ADAMTS17: variants seen among roughly 807,000 people sequenced by gnomAD.
ADAMTS17 encodes the protein ADAM metallopeptidase with thrombospondin type 1 motif 17, also known as A disintegrin and metalloproteinase with thrombospondin motifs 17.
In ADAMTS17, 113 loss-of-function variants were observed where a neutral mutation model predicts 141.5. The observed-to-expected ratio is 0.80, with a 90% CI of 0.69 to 0.93. ADAMTS17 has a LOEUF of 0.93. Ranked by LOEUF, ADAMTS17 falls within the 40% of genes least tolerant of loss-of-function variation. The pLI is 0.00. For missense variants in ADAMTS17, 1,659 were observed against 1,517.9 expected, an observed-to-expected ratio of 1.09 and a Z score of -1.54; for synonymous variants, 768 against 630.6, an observed-to-expected ratio of 1.22 and a Z score of -3.27.
At chr15:100,131,451 C>T (rs941067262) in intron 12 of ADAMTS17, among the ~76,000 whole-genome samples, 4 of 150,916 alleles carry the variant, frequency 2.7e-5, no homozygotes, top group Non-Finnish European at 4.4e-5. Context: ...AGCCCAAAAT[C>T]GATCCCTGAG....
chr15:100,096,139 T>C (rs1327314912), intron 15 of ADAMTS17, among the ~76,000 whole-genome samples: 3 of 152,202 alleles, frequency 2.0e-5, no homozygotes, highest in Non-Finnish European at 4.4e-5. Context: ...GGGAGCTGTT[T>C]CCGTTCATGG....
At chr15:100,050,710 C>T (rs768423763) in intron 17 of ADAMTS17, among the ~76,000 whole-genome samples, 18 of 152,312 alleles carry the variant, frequency 1.2e-4, no homozygotes, top group Middle Eastern at 3.4e-3. Context: ...GGGCTATGCC[C>T]GGGGTTCCAC....
At chr15:100,273,745 T>C (rs1190759741) in intron 4 of ADAMTS17, among the ~76,000 whole-genome samples, 1 of 152,182 alleles carries the variant, frequency 6.6e-6, no homozygotes, top group Non-Finnish European at 1.5e-5. Flanking sequence ...AAATAGCTTG[T>C]TCTTCTTCTA....
In ADAMTS17 at chr15:100,129,660, T is replaced by C. The variant is rs192146104; in HGVS notation, c.1721+2347A>G. On this transcript the variant is annotated intron_variant, in intron 12 of 21. Transcript: ENST00000268070. The stretch of plus-strand genomic sequence containing the variant: ...CGGGAGGCTGAGGCAGGAGAATCGC[T>C]TGAACCTGGGAGGTGGAGGCTGTGA... 5.0e-3 allele frequency: 760 copies of C among 152,490 alleles called. 2 individuals are homozygous for C. Among genetic ancestry groups the C allele is most frequent in the South Asian group, 0.021 (101 of 4,818 alleles). The allele number at this position is 152,490 out of a possible 1,614,324, so 9.4% of individuals were successfully genotyped here.
intron 8 of ADAMTS17, among the ~76,000 whole-genome samples, chr15:100,179,488 CT>C (rs1567309466): frequency 1.3e-5 from 2 of 152,180 alleles, no homozygotes; most frequent in Non-Finnish European, 2.9e-5. Flanking sequence ...GCTATTGTGA[CT>C]AGTGCTACAA....
chr15:100,089,836 GT>G, intron 15 of ADAMTS17, among the ~76,000 whole-genome samples: 1 of 126,424 alleles, frequency 7.9e-6, no homozygotes, highest in African/African-American at 3.1e-5. Flanking sequence ...CTGTTGTGGG[GT>G]TGGGGGAGGG....
At chr15:100,328,723 C>A (rs1040205326) in intron 3 of ADAMTS17, among the ~76,000 whole-genome samples, 2 of 152,162 alleles carry the variant, frequency 1.3e-5, no homozygotes, top group Non-Finnish European at 2.9e-5. Context: ...AACACAAGCA[C>A]CATTTATCAT....
intron 8 of ADAMTS17, among the ~76,000 whole-genome samples, chr15:100,198,917 G>A (rs548909412): frequency 6.6e-6 from 1 of 152,262 alleles, no homozygotes; most frequent in African/African-American, 2.4e-5. Context: ...TCAGAAAGTT[G>A]GACTTTAGAA....
At chr15:100,203,214 C>T (rs2041405353) in intron 7 of ADAMTS17, among the ~76,000 whole-genome samples, 1 of 152,168 alleles carries the variant, frequency 6.6e-6, no homozygotes, top group African/African-American at 2.4e-5. Flanking sequence ...TGGCTCACTC[C>T]AACTCTACTA....
At chr15:100,299,630 C>T (rs567051273) in intron 3 of ADAMTS17, among the ~76,000 whole-genome samples, 24 of 152,252 alleles carry the variant, frequency 1.6e-4, no homozygotes, top group Admixed American at 4.6e-4. Context: ...AAGAAATCGA[C>T]GGCTTCTCTG....
intron 8 of ADAMTS17, among the ~76,000 whole-genome samples, chr15:100,161,082 C>G (rs2039671870): frequency 1.3e-5 from 2 of 152,188 alleles, no homozygotes; most frequent in Admixed American, 6.5e-5. Context: ...GGCCTTGTGT[C>G]TCACGTGGCC....
At chr15:100,153,005 G>T (rs146448623) in intron 9 of ADAMTS17, among the ~76,000 whole-genome samples, 1 of 38,438 alleles carries the variant, frequency 2.6e-5, no homozygotes, top group Admixed American at 2.2e-4. Flanking sequence ...CTCGGGAGGG[G>T]CATAGGAACG....
At chr15:100,054,235 G>A (rs902204691) in intron 15 of ADAMTS17, among the ~76,000 whole-genome samples, 181 bp from the exon 16 acceptor site, 18 of 152,262 alleles carry the variant, frequency 1.2e-4, no homozygotes, top group Admixed American at 2.6e-4. Context: ...AGCCTGGATC[G>A]CAGGGAGCAC....
At chr15:100,068,473 C>A (rs932451208) in intron 15 of ADAMTS17, among the ~76,000 whole-genome samples, 1 of 152,226 alleles carries the variant, frequency 6.6e-6, no homozygotes, top group Non-Finnish European at 1.5e-5. Context: ...GTCCCTGACC[C>A]CTGAGTAGCC....
chr15:100,054,234 C>T (rs1042120142), intron 15 of ADAMTS17, among the ~76,000 whole-genome samples, 180 bp from the exon 16 acceptor site: 41 of 152,086 alleles, frequency 2.7e-4, no homozygotes, highest in Admixed American at 2.0e-3. Flanking sequence ...AAGCCTGGAT[C>T]GCAGGGAGCA....
intron 18 of ADAMTS17, among the ~76,000 whole-genome samples, chr15:100,043,018 A>G (rs1444036579): frequency 2.0e-5 from 3 of 152,210 alleles, no homozygotes; most frequent in African/African-American, 7.2e-5. Flanking sequence ...GCACGGATCT[A>G]TCTTGTTAGG....
chr15:100,278,621 T>A (rs2044180791), intron 4 of ADAMTS17, among the ~76,000 whole-genome samples: 1 of 151,846 alleles, frequency 6.6e-6, no homozygotes, highest in Non-Finnish European at 1.5e-5. Flanking sequence ...ACAATAGGGG[T>A]GAGGGGCATG....
chr15:100,054,132 AG>A, intron 15 of ADAMTS17, 78 bp from the exon 16 acceptor site: 2 of 1,560,900 alleles, frequency 1.3e-6, no homozygotes, highest in Non-Finnish European at 1.8e-6. Flanking sequence ...CGGAATCTAC[AG>A]CCCCTGAGTG....
intron 1 of ADAMTS17, 81 bp from the exon 2 acceptor site, chr15:100,341,490 C>T: frequency 1.0e-6 from 1 of 1,000,266 alleles, no homozygotes; most frequent in Non-Finnish European, 1.2e-6. Flanking sequence ...GCCGCGCCAG[C>T]GCGGGGACAG....
Sources: allele counts gnomAD v4.1 joint callset (sites outside exome capture counted in the v4.1 genomes callset), GRCh38; gene constraint gnomAD v4.1.1; transcripts MANE v1.5; gene names NCBI Gene and HGNC (gene_info 2026-07-23, HGNC 2026-07-21).